The following CCDC191 variants were observed in gnomAD, a reference collection of about 807,000 sequenced individuals.
CCDC191 encodes coiled-coil domain containing 191.
A neutral mutation model predicts 114.0 loss-of-function variants in CCDC191; 99 were observed. The observed-to-expected ratio is 0.87, with a 90% CI of 0.74 to 1.03. CCDC191 has a LOEUF of 1.03. CCDC191 is among the 50% of genes least tolerant of loss of function. CCDC191 has a pLI of 0.00. For missense variants in CCDC191, 973 were observed against 1,087.0 expected (o/e 0.90, Z 1.47); for synonymous variants, 351 against 376.0 (o/e 0.93, Z 0.77).
intron 13 of CCDC191, among the ~76,000 whole-genome samples, chr3:113,990,578 T>A (rs1049353851): frequency 7.3e-5 from 11 of 151,618 alleles, no homozygotes; most frequent in Non-Finnish European, 1.3e-4. Flanking sequence ...TGTAACCAAA[T>A]ACCACCTGTT....
Position 114,036,630 on chromosome 3 carries a change from G to C in CCDC191, c.572C>G (p.Thr191Ser), listed in dbSNP as rs1281459805. ...CACCTGCTTATGTCTCATCTCCATG[G>C]TAAGACGAGGATCCTTCTGCTGCTT... ...DKKQQKDPRL[T>S]MEMRHKQVKE... The change falls in exon 5 of 17, where the codon ACC becomes AGC. Residue 191 changes from threonine to serine, a missense_variant. Physicochemically the swap from Thr to Ser is moderately conservative, Grantham distance 58 (BLOSUM62 1). Transcript: ENST00000295878. 1.9e-6 allele frequency: 3 copies of C among 1,596,760 alleles called. No homozygotes were observed. The highest frequency in any genetic ancestry group is 2.6e-6 in the Non-Finnish European group (3 of 1,170,918).
rs1372046162 is a variant in CCDC191, at chr3:113,965,081, G to A, written c.*74C>T. ...GAATAAACCAGGTGTATGTATGTATGTGTGTGGGTGGGTGGAGATAACACA... is the reference window on the plus strand; with the variant it reads ...GAATAAACCAGGTGTATGTATGTATATGTGTGGGTGGGTGGAGATAACACA... On this transcript the variant is annotated 3_prime_UTR_variant, in exon 17 of 17. Coordinates refer to ENST00000295878, the MANE Select transcript of CCDC191 (RefSeq NM_020817.2). The A allele has an allele frequency of 1.3e-6, 1 of 796,782 alleles. No individual in the cohort carries two copies. The highest frequency in any genetic ancestry group is 2.0e-6 in the Non-Finnish European group (1 of 502,046). 49.4% of individuals were successfully genotyped at this position (796,782 alleles called of 1,614,324 possible).
chr3:114,045,751 A>C (rs2076621043), intron 3 of CCDC191, among the ~76,000 whole-genome samples: 1 of 152,028 alleles, frequency 6.6e-6, no homozygotes, highest in South Asian at 2.1e-4. Context: ...TCTGTACTTC[A>C]TGCTCCCTTT....
chr3:114,037,141 G>A (rs1018934955), intron 4 of CCDC191: 2 of 153,838 alleles, frequency 1.3e-5, no homozygotes, highest in African/African-American at 4.8e-5. Context: ...CTTTATTGTG[G>A]TATAATTGAC....
intron 8 of CCDC191, among the ~76,000 whole-genome samples, chr3:114,017,086 A>G (rs1362391661): frequency 6.6e-6 from 1 of 151,656 alleles, no homozygotes; most frequent in African/African-American, 2.4e-5. Flanking sequence ...CTGCTTAAAA[A>G]ACCTTCAAGG....
At chr3:114,013,062 A>G (rs2076098528) in intron 8 of CCDC191, among the ~76,000 whole-genome samples, 1 of 152,006 alleles carries the variant, frequency 6.6e-6, no homozygotes, top group Non-Finnish European at 1.5e-5. Flanking sequence ...CTTGGGCCAC[A>G]TAGTGAAACT....
chr3:113,967,392 T>A (rs1346875857), intron 16 of CCDC191, among the ~76,000 whole-genome samples: 1 of 152,120 alleles, frequency 6.6e-6, no homozygotes. Flanking sequence ...TTTCTTTCCC[T>A]ACATTTCTCT....
intron 16 of CCDC191, among the ~76,000 whole-genome samples, chr3:113,972,747 T>A (rs963445444): frequency 6.6e-6 from 1 of 152,166 alleles, no homozygotes; most frequent in African/African-American, 2.4e-5. Flanking sequence ...TGATGTTGAG[T>A]GCATAGATAT....
chr3:114,006,619 A>ATAAAT (rs1559903359), intron 9 of CCDC191, among the ~76,000 whole-genome samples: 23 of 92,520 alleles, frequency 2.5e-4, no homozygotes, highest in African/African-American at 9.6e-4. Context: ...TATATATATA[A>ATAAAT]ATATATATAT....
intron 13 of CCDC191, among the ~76,000 whole-genome samples, chr3:113,990,441 A>C (rs1304964905): frequency 6.6e-6 from 1 of 152,008 alleles, no homozygotes; most frequent in East Asian, 1.9e-4. Flanking sequence ...AGAATATGTT[A>C]TTTTAAATCA....
chr3:114,055,544 CA>C (rs746317152), intron 1 of CCDC191, among the ~76,000 whole-genome samples: 41 of 152,278 alleles, frequency 2.7e-4, no homozygotes, highest in Non-Finnish European at 5.7e-4. Context: ...TCAAAAAGGC[CA>C]CATACATCTA....
At chr3:114,048,006 A>C (rs1265270857) in intron 2 of CCDC191, among the ~76,000 whole-genome samples, 6 of 152,094 alleles carry the variant, frequency 3.9e-5, no homozygotes, top group African/African-American at 1.4e-4. Context: ...CTTATTTTAT[A>C]ACTTAACCCC....
intron 14 of CCDC191, 82 bp downstream of exon 14, chr3:113,980,568 C>G: frequency 7.7e-7 from 1 of 1,293,956 alleles, no homozygotes. Context: ...CAAACCCTAC[C>G]CTCCCCCAAG....
chr3:114,029,334 A>AT (rs1007211623), intron 7 of CCDC191, among the ~76,000 whole-genome samples: 1 of 152,228 alleles, frequency 6.6e-6, no homozygotes, highest in African/African-American at 2.4e-5. Context: ...AATAAAATAA[A>AT]TATCAATGAG....
In CCDC191 at chr3:114,056,409, A is replaced by G. The variant is rs1259216992; in HGVS notation, c.58T>C (p.Trp20Arg). The change falls in exon 1 of 17, where the codon TGG becomes CGG. Residue 20 changes from tryptophan (W) to arginine (R), a missense_variant. Physicochemically the swap from Trp to Arg is moderately radical, Grantham distance 101. Transcript: ENST00000295878. ...FSKKRMGLNR[W>R]KRFTRKPSPK... The stretch of plus-strand genomic sequence containing the variant: ...CTCGGCTTCCTTGTGAACCGTTTCC[A>G]GCGATTCAGCCCCATCCTTTTCTTT... The G allele has an allele frequency of 1.9e-6, 3 of 1,614,020 alleles. No individual in the cohort carries two copies. The highest frequency in any genetic ancestry group is 2.5e-6 in the Non-Finnish European group (3 of 1,180,024).
At chr3:114,027,940 G>A (rs2076348250) in intron 7 of CCDC191, among the ~76,000 whole-genome samples, 1 of 152,182 alleles carries the variant, frequency 6.6e-6, no homozygotes, top group Admixed American at 6.5e-5. Flanking sequence ...CCAAGATAAT[G>A]AGCCCAGAAG....
chr3:114,055,670 T>A (rs986361930), intron 1 of CCDC191, among the ~76,000 whole-genome samples: 1 of 152,334 alleles, frequency 6.6e-6, no homozygotes, highest in Middle Eastern at 3.4e-3. Context: ...ATTTTAAGCA[T>A]CTTTTTGGGG....
chr3:113,986,476 G>A (rs1377913492), intron 13 of CCDC191, among the ~76,000 whole-genome samples: 2 of 152,108 alleles, frequency 1.3e-5, no homozygotes, highest in African/African-American at 2.4e-5. Flanking sequence ...AGAAGCTTAA[G>A]ACCACCAAAG....
At chr3:114,051,043 G>T (rs1299309795) in intron 2 of CCDC191, among the ~76,000 whole-genome samples, 1 of 152,082 alleles carries the variant, frequency 6.6e-6, no homozygotes, top group Non-Finnish European at 1.5e-5. Context: ...CTTGAGGTTT[G>T]GTTGTTCATC....
Sources: gnomAD v4.1 joint callset for allele counts (sites outside exome capture counted in the v4.1 genomes callset) on GRCh38, gnomAD v4.1.1 for gene constraint, MANE v1.5 for transcripts, NCBI Gene and HGNC (gene_info 2026-07-23, HGNC 2026-07-21) for gene names.